Variants in ZFAND4 observed in about 807,000 individuals in gnomAD.
ZFAND4 encodes AN1-type zinc finger protein 4.
In ZFAND4, 43 loss-of-function variants were observed where a neutral mutation model predicts 64.4. The ratio of observed to expected loss-of-function variants is 0.67; its 90% confidence interval spans 0.52 to 0.86. The LOEUF (loss-of-function observed/expected upper bound fraction) is 0.86. Among genes scored for constraint, ZFAND4 ranks in the 40% least tolerant of loss-of-function variants. ZFAND4 has a pLI of 0.00. For synonymous variants in ZFAND4, 296 were observed against 305.7 expected (o/e 0.97, Z 0.33); for missense variants, 929 against 859.8 (o/e 1.08, Z -1.01).
In ZFAND4 at chr10:45,626,851, C is replaced by T. The variant is rs1221490821; in HGVS notation, c.972G>A (p.Glu324=). Reference sequence around the variant, plus strand: ...TACTGAAGTGAGACAGTGTGTTATTCTCCCAGCTATTATCTTCCTTAAGAA... The same window carrying T: ...TACTGAAGTGAGACAGTGTGTTATTTTCCCAGCTATTATCTTCCTTAAGAA... The part of the protein sequence containing the change: ...GEFLKEDNSW[E]NNTLSHFSSN... Residue 324 remains glutamate, a synonymous_variant, in exon 7 of 10, where the codon GAG becomes GAA. Transcript: ENST00000344646. The T allele has an allele frequency of 6.2e-7, 1 of 1,614,188 alleles. No homozygotes were observed. Among genetic ancestry groups the T allele is most frequent in the Admixed American group, 1.7e-5 (1 of 60,022 alleles).
intron 5 of ZFAND4, among the ~76,000 whole-genome samples, chr10:45,646,949 GCTCT>G (rs1470471869): frequency 1.3e-5 from 2 of 152,200 alleles, no homozygotes; most frequent in Non-Finnish European, 2.9e-5. Context: ...GTCACAGTCT[GCTCT>G]CTGAGGCCAC....
chr10:45,647,151 G>T (rs1046206125), intron 5 of ZFAND4, among the ~76,000 whole-genome samples: 10 of 152,152 alleles, frequency 6.6e-5, no homozygotes, highest in Non-Finnish European at 1.5e-5. Context: ...ATGTAATTTA[G>T]GCCCCAAATC....
At chr10:45,654,127 A>G (rs2047939522) in intron 2 of ZFAND4, among the ~76,000 whole-genome samples, 1 of 152,168 alleles carries the variant, frequency 6.6e-6, no homozygotes, top group South Asian at 2.1e-4. Flanking sequence ...CTGAGTATAT[A>G]TGGAGACAAA....
chr10:45,617,594 A>AG (rs1278857522), intron 9 of ZFAND4, among the ~76,000 whole-genome samples: 1 of 146,034 alleles, frequency 6.8e-6, no homozygotes, highest in African/African-American at 2.5e-5. Context: ...CAGTACTGAA[A>AG]AAAAAAAAAA....
Position 45,617,089 on chromosome 10 carries a change from G to GA in ZFAND4, c.2049-519dup, listed in dbSNP as rs1214623273. Among the ~76,000 whole-genome samples the GA allele has an allele frequency of 1.9e-3, 175 of 93,224 alleles. 1 individual carries two copies. The highest frequency in any genetic ancestry group is 5.2e-3 in the Middle Eastern group (1 of 192). The allele number at this position is 93,224 out of a possible 152,430, so 61.2% of individuals were successfully genotyped here. ...GAGACACAATCTCAAAAAGAAAAAA[G>GA]AAAAAAAAAAAAGAATGAAACAGGG... On this transcript the variant is annotated intron_variant, in intron 9 of 9. Coordinates refer to ENST00000344646, the MANE Select transcript of ZFAND4 (RefSeq NM_174890.4).
At position 45,667,859 on chromosome 10, in the gene ZFAND4, T is replaced by C. The variant is rs553051321; in HGVS notation, c.-117-4017A>G. Among the ~76,000 whole-genome samples, 4 of 152,350 alleles carry C rather than the reference T, an allele frequency of 2.6e-5. No homozygotes were observed. In the East Asian group the frequency reaches 7.7e-4, roughly 29 times the overall value. On this transcript the variant is annotated intron_variant, in intron 1 of 9. Coordinates refer to ENST00000344646, the MANE Select transcript of ZFAND4 (RefSeq NM_174890.4). ...GAGACTGGACATCCTTGTCTAATTC[T>C]TGATTGTAGAAGGAAACCATTGAGT...
intron 8 of ZFAND4, among the ~76,000 whole-genome samples, chr10:45,620,502 C>T (rs184039269): frequency 3.3e-5 from 5 of 152,082 alleles, no homozygotes; most frequent in Admixed American, 2.6e-4. Context: ...AGAACTCTTG[C>T]GAATGTGTAG....
chr10:45,624,182 A>C (rs2045630660), intron 8 of ZFAND4, among the ~76,000 whole-genome samples: 1 of 152,206 alleles, frequency 6.6e-6, no homozygotes, highest in South Asian at 2.1e-4. Flanking sequence ...TGACTAGTTC[A>C]TCAAAAAGAG....
In ZFAND4 at chr10:45,625,963, T is replaced by C. The variant is rs756116272; in HGVS notation, c.1860A>G (p.Thr620=). ...FRKSSPQLEH[T]GVFLSTHGVG... is the part of the protein sequence containing the mutation. ...GGAAAATACTGACCAAAAAAACTCC[T>C]GTATGTTCTAACTGGGGAGAACTTT... The change falls in exon 7 of 10, where the codon ACA becomes ACG. Residue 620 remains threonine (T), a synonymous_variant. Transcript: ENST00000344646. 1.9e-6 allele frequency: 3 copies of C among 1,613,698 alleles called. No individual in the cohort carries two copies. The highest frequency in any genetic ancestry group is 1.1e-5 in the South Asian group (1 of 91,032).
intron 2 of ZFAND4, among the ~76,000 whole-genome samples, chr10:45,658,632 G>T (rs2048286511): frequency 6.6e-6 from 1 of 152,136 alleles, no homozygotes; most frequent in South Asian, 2.1e-4. Flanking sequence ...AATGATCGAA[G>T]CTGTCTAATC....
At chr10:45,616,682 T>C (rs2044981737) in intron 9 of ZFAND4, 111 bp from the exon 10 acceptor site, 1 of 1,080,468 alleles carries the variant, frequency 9.3e-7, no homozygotes, top group Admixed American at 2.4e-5. Context: ...TTTGGTTCTT[T>C]TTAGCAATTT....
At chr10:45,631,115 G>A (rs916181421) in intron 6 of ZFAND4, among the ~76,000 whole-genome samples, 3 of 151,908 alleles carry the variant, frequency 2.0e-5, no homozygotes, top group African/African-American at 7.3e-5. Flanking sequence ...TCAGGAGATC[G>A]AGACCATCCT....
intron 5 of ZFAND4, among the ~76,000 whole-genome samples, chr10:45,641,494 C>A (rs2046994029): frequency 6.6e-6 from 1 of 152,126 alleles, no homozygotes; most frequent in Non-Finnish European, 1.5e-5. Flanking sequence ...AGCAGACAGC[C>A]CCATTCCTAA....
chr10:45,637,611 G>A (rs746802657), intron 6 of ZFAND4, among the ~76,000 whole-genome samples: 1 of 151,868 alleles, frequency 6.6e-6, no homozygotes, highest in Admixed American at 6.6e-5. Context: ...TTAGCCGGGC[G>A]TGGAGATGCG....
chr10:45,650,769 GAGTTATTACTATAAACATCACAT>G (rs1225360377), intron 4 of ZFAND4: 1 of 151,972 alleles, frequency 6.6e-6, no homozygotes, highest in African/African-American at 2.4e-5. Flanking sequence ...GCTACTTCAA[GAGTTATTACTATAAACATCACAT>G]AGTTATTACT....
At chr10:45,627,911 A>T (rs1186368545) in intron 6 of ZFAND4, among the ~76,000 whole-genome samples, 3 of 152,186 alleles carry the variant, frequency 2.0e-5, no homozygotes. Flanking sequence ...GGCTCTATGC[A>T]CCTTTTACCT....
intron 6 of ZFAND4, among the ~76,000 whole-genome samples, chr10:45,637,224 C>T (rs1183786060): frequency 6.6e-6 from 1 of 151,440 alleles, no homozygotes; most frequent in Non-Finnish European, 1.5e-5. Context: ...GCCTGTAGTC[C>T]CAGCTACTCA....
intron 7 of ZFAND4, among the ~76,000 whole-genome samples, chr10:45,624,992 C>T (rs2045693717): frequency 6.6e-6 from 1 of 151,948 alleles, no homozygotes; most frequent in Non-Finnish European, 1.5e-5. Flanking sequence ...GCCTGGGCAA[C>T]ATGGTGAAAC....
intron 7 of ZFAND4, among the ~76,000 whole-genome samples, chr10:45,624,946 GT>G (rs769761174): frequency 2.2e-4 from 34 of 151,912 alleles, no homozygotes; most frequent in Non-Finnish European, 4.3e-4. Context: ...GCAGCGAGCT[GT>G]GATTGCACCA....
Sources: allele counts gnomAD v4.1 joint callset (sites outside exome capture counted in the v4.1 genomes callset), GRCh38; gene constraint gnomAD v4.1.1; transcripts MANE v1.5; gene names NCBI Gene and HGNC (gene_info 2026-07-23, HGNC 2026-07-21).